The following HSDL2 variants were observed in gnomAD, a reference collection of about 807,000 sequenced individuals.
HSDL2 encodes hydroxysteroid dehydrogenase-like protein 2.
Under a neutral mutation model 46.3 loss-of-function variants are expected in HSDL2, and 27 were observed. That is an observed-to-expected ratio of 0.58 (90% CI 0.43 to 0.80). The LOEUF (loss-of-function observed/expected upper bound fraction) is 0.80, where lower values mean the gene tolerates loss of function less well. HSDL2 is among the 30% of genes least tolerant of loss of function. HSDL2 has a pLI of 0.00. For synonymous variants in HSDL2, 153 were observed against 163.6 expected (o/e 0.94, Z 0.50); for missense variants, 451 against 502.7 (o/e 0.90, Z 0.98).
intron 9 of HSDL2, among the ~76,000 whole-genome samples, chr9:112,455,536 G>T (rs576437686): frequency 1.2e-4 from 19 of 152,210 alleles, no homozygotes; most frequent in African/African-American, 4.6e-4. Context: ...TATCCAGGTT[G>T]CAAAGTTTTG....
At chr9:112,438,750 C>A in intron 7 of HSDL2, 125 bp downstream of exon 7, 1 of 599,664 alleles carries the variant, frequency 1.7e-6, no homozygotes, top group African/African-American at 1.9e-5. Flanking sequence ...AAGCTGTCTT[C>A]CCAATGAAGG....
rs77336639 is a variant in HSDL2, at chr9:112,455,885, T to C, written c.1015+1723T>C. Among the ~76,000 whole-genome samples the C allele has an allele frequency of 3.4e-4, 52 of 152,230 alleles. 1 individual carries two copies. Among genetic ancestry groups the C allele is most frequent in the African/African-American group, 1.2e-3 (48 of 41,538 alleles). On this transcript the variant is annotated intron_variant, in intron 9 of 10. Transcript: ENST00000398805. ...GCATCATCCTTGCCTCCTTCCCTCT[T>C]AGTAGAATGGAGCTCAGCTCTCCAT...
chr9:112,432,922 C>T (rs922533802), intron 6 of HSDL2, among the ~76,000 whole-genome samples: 4 of 152,002 alleles, frequency 2.6e-5, no homozygotes, highest in African/African-American at 9.7e-5. Context: ...CATGCACCAC[C>T]ACACCTGGCT....
intron 5 of HSDL2, 25 bp downstream of exon 5, chr9:112,416,969 G>A (rs1411936610): frequency 1.8e-6 from 2 of 1,093,698 alleles, no homozygotes; most frequent in Non-Finnish European, 2.8e-6. Flanking sequence ...GTAGGGTGAG[G>A]GGATGGTTTG....
At chr9:112,403,709 G>A (rs1831658900) in intron 1 of HSDL2, among the ~76,000 whole-genome samples, 1 of 151,348 alleles carries the variant, frequency 6.6e-6, no homozygotes, top group African/African-American at 2.4e-5. Flanking sequence ...TATATAATTT[G>A]TTTTATAATT....
At chr9:112,450,031 A>G (rs1832845237) in intron 8 of HSDL2, among the ~76,000 whole-genome samples, 1 of 152,190 alleles carries the variant, frequency 6.6e-6, no homozygotes, top group South Asian at 2.1e-4. Context: ...ATAATGAAAT[A>G]AAGTTTGTGC....
intron 1 of HSDL2, among the ~76,000 whole-genome samples, chr9:112,387,286 A>G (rs528795158): frequency 6.6e-6 from 1 of 151,610 alleles, no homozygotes; most frequent in South Asian, 2.1e-4. Context: ...GTGGTGTGAA[A>G]TCAGCTCACT....
intron 3 of HSDL2, among the ~76,000 whole-genome samples, chr9:112,408,636 A>G (rs1376100963): frequency 6.6e-6 from 1 of 152,228 alleles, no homozygotes; most frequent in Non-Finnish European, 1.5e-5. Context: ...GTAAAGCTGT[A>G]TAACATGTTA....
At chr9:112,461,893 T>C (rs1477980845) in intron 10 of HSDL2, among the ~76,000 whole-genome samples, 1 of 152,250 alleles carries the variant, frequency 6.6e-6, no homozygotes, top group Non-Finnish European at 1.5e-5. Context: ...TCTATTGGTA[T>C]CTTTCTTTGA....
intron 6 of HSDL2, among the ~76,000 whole-genome samples, chr9:112,428,238 T>G (rs977540943): frequency 2.0e-5 from 3 of 152,256 alleles, no homozygotes; most frequent in Non-Finnish European, 4.4e-5. Flanking sequence ...ATCACCATCT[T>G]TCTTTTTCTT....
intron 9 of HSDL2, among the ~76,000 whole-genome samples, chr9:112,454,385 T>C (rs758615037): frequency 7.2e-5 from 11 of 152,174 alleles, no homozygotes; most frequent in Non-Finnish European, 1.3e-4. Context: ...TGGAGAGCAA[T>C]GGCATGATCA....
At chr9:112,415,942 A>G (rs960661671) in intron 4 of HSDL2, among the ~76,000 whole-genome samples, 3 of 152,112 alleles carry the variant, frequency 2.0e-5, no homozygotes, top group Non-Finnish European at 4.4e-5. Context: ...CCCCGTCTCT[A>G]CTAAAAATAC....
At chr9:112,383,079 T>C (rs1414231743) in intron 1 of HSDL2, among the ~76,000 whole-genome samples, 1 of 151,966 alleles carries the variant, frequency 6.6e-6, no homozygotes, top group Non-Finnish European at 1.5e-5. Flanking sequence ...TTTCTTTCTG[T>C]CTTTCTTTTT....
intron 10 of HSDL2, among the ~76,000 whole-genome samples, chr9:112,467,206 G>GC (rs1554716484): frequency 1.3e-5 from 2 of 152,322 alleles, no homozygotes; most frequent in Admixed American, 1.3e-4. Context: ...ACAAAGTGTG[G>GC]TATATACATA....
At chr9:112,442,109 CA>C (rs1032255486) in intron 8 of HSDL2, among the ~76,000 whole-genome samples, 30 of 145,050 alleles carry the variant, frequency 2.1e-4, no homozygotes, top group African/African-American at 3.3e-4. Context: ...AAAAAAAATA[CA>C]AAAAAAAAAT....
chr9:112,399,334 A>G (rs1022889124), intron 1 of HSDL2, among the ~76,000 whole-genome samples: 2 of 152,210 alleles, frequency 1.3e-5, no homozygotes, highest in African/African-American at 2.4e-5. Flanking sequence ...ACATGCTTCA[A>G]AGGGCAAAAA....
chr9:112,387,824 A>G (rs1831249796), intron 1 of HSDL2, among the ~76,000 whole-genome samples: 1 of 152,154 alleles, frequency 6.6e-6, no homozygotes, highest in African/African-American at 2.4e-5. Context: ...TTGGAAATGC[A>G]TAACCGGAAT....
chr9:112,416,588 T>TA (rs35674008), intron 4 of HSDL2, among the ~76,000 whole-genome samples: 58,696 of 133,998 alleles, frequency 0.44, 12,983 homozygotes, highest in Non-Finnish European at 0.5. Context: ...ACCCTGTCTC[T>TA]AAAAAAAAAA....
At chr9:112,385,277 T>A in intron 1 of HSDL2, among the ~76,000 whole-genome samples, 1 of 152,206 alleles carries the variant, frequency 6.6e-6, no homozygotes. Flanking sequence ...ATGAAGCTGG[T>A]CACCTATAGG....
Sources: allele counts gnomAD v4.1 joint callset (sites outside exome capture counted in the v4.1 genomes callset), GRCh38; gene constraint gnomAD v4.1.1; transcripts MANE v1.5; gene names NCBI Gene and HGNC (gene_info 2026-07-23, HGNC 2026-07-21).